TNFSF12: variants seen among roughly 807,000 people sequenced by gnomAD.
The protein encoded by TNFSF12 is TNF superfamily member 12.
Under a neutral mutation model 31.2 loss-of-function variants are expected in TNFSF12, and 16 were observed. That is an observed-to-expected ratio of 0.51 (90% CI 0.35 to 0.78). The LOEUF is 0.78. Among genes scored for constraint, TNFSF12 ranks in the 30% least tolerant of loss-of-function variants. TNFSF12 has a pLI of 0.01. For missense variants in TNFSF12, 324 were observed against 338.8 expected, an observed-to-expected ratio of 0.96 and a Z score of 0.34; for synonymous variants, 150 against 151.4, an observed-to-expected ratio of 0.99 and a Z score of 0.07.
At position 7,549,543 on chromosome 17, in the gene TNFSF12, C is replaced by T. The variant is rs1183548541; in HGVS notation, c.207+22C>T. ...GTCGGTGAGTGGGCGTGGGCGCGGT[C>T]TGCAGGCTGCTGGGGCATGGGAAGT... On this transcript the variant is annotated intron_variant, in intron 2 of 6. Transcript: ENST00000293825. The surrounding 1 kb of genome is among the most constrained non-coding windows in gnomAD (Gnocchi z 4.1). 5.9e-6 allele frequency: 9 copies of T among 1,534,288 alleles called. No homozygotes were observed. The East Asian group carries it at 1.9e-4, about 33-fold the overall frequency.
chr17:7,557,200 G>C lies in TNFSF12; in HGVS notation c.600G>C (p.Ala200=), dbSNP rs3803798. The C allele has an allele frequency of 0.52, 836,765 of 1,613,244 alleles. 218,646 individuals are homozygous for C. Among genetic ancestry groups the C allele is most frequent in the Admixed American group, 0.63 (37,897 of 59,984 alleles). ...TGGAGGAATTCTCAGCCACTGCGGC[G>C]AGTTCCCTCGGGCCCCAGCTCCGCC... ...RCLEEFSATA[A]SSLGPQLRLC... is the part of the protein sequence containing the mutation. Residue 200 remains alanine, a synonymous_variant, in exon 7 of 7, where the codon GCG becomes GCC. Transcript: ENST00000293825. This position sits in a 1 kb window ranked among gnomAD's most constrained non-coding sequence, Gnocchi z 5.2.
At chr17:7,553,031 T>C (rs1355286270) in intron 5 of TNFSF12, among the ~76,000 whole-genome samples, 2 of 9,272 alleles carry the variant, frequency 2.2e-4, no homozygotes, top group Non-Finnish European at 9.4e-4. Context: ...ACCTTTTTTT[T>C]TTTTTTTTTT....
At position 7,549,403 on chromosome 17, in the gene TNFSF12, G is replaced by A. The variant is rs1597822644; in HGVS notation, c.160-71G>A. On this transcript the variant is annotated intron_variant, in intron 1 of 6. Transcript: ENST00000293825. This position sits in a 1 kb window ranked among gnomAD's most constrained non-coding sequence, Gnocchi z 4.1. ...GGGCCGCGTGGGCTGAAGGCAAGGGGAAGGGAGGATGGGTGGAGGGTGAGA... is the reference window on the plus strand; with the variant it reads ...GGGCCGCGTGGGCTGAAGGCAAGGGAAAGGGAGGATGGGTGGAGGGTGAGA... 2.8e-6 allele frequency: 4 copies of A among 1,428,708 alleles called. No individual in the cohort carries two copies. The highest frequency in any genetic ancestry group is 2.5e-5 in the Admixed American group (1 of 39,444). 88.5% of individuals were successfully genotyped at this position (1,428,708 alleles called of 1,614,324 possible).
chr17:7,556,712 A>G (rs2071072213), intron 5 of TNFSF12, 66 bp from the exon 6 acceptor site: 10 of 1,390,114 alleles, frequency 7.2e-6, no homozygotes, highest in Non-Finnish European at 8.5e-6. Context: ...TGCTCAATGG[A>G]TCCCTGGGGA....
At chr17:7,553,483 G>A (rs1567721254) in intron 5 of TNFSF12, 1 of 491,452 alleles carries the variant, frequency 2.0e-6, no homozygotes, top group Non-Finnish European at 4.0e-6. Flanking sequence ...CATGTACTGA[G>A]GGCTTTCTTG....
At chr17:7,554,819 G>A (rs567232633) in intron 5 of TNFSF12, among the ~76,000 whole-genome samples, 8 of 149,664 alleles carry the variant, frequency 5.3e-5, no homozygotes, top group East Asian at 2.0e-4. Flanking sequence ...GGGTTTCACC[G>A]TGTTAGCCAG....
At chr17:7,556,620 A>G (rs2071070242) in intron 5 of TNFSF12, among the ~76,000 whole-genome samples, 158 bp from the exon 6 acceptor site, 1 of 152,158 alleles carries the variant, frequency 6.6e-6, no homozygotes, top group Admixed American at 6.5e-5. Context: ...CTAGTCAACT[A>G]TGGGCATCAT....
In TNFSF12 at chr17:7,550,698, T is replaced by A; in HGVS notation, c.284-101T>A. 6.6e-7 allele frequency: 1 copy of A among 1,519,372 alleles called. No homozygotes were observed. The highest frequency in any genetic ancestry group is 8.9e-7 in the Non-Finnish European group (1 of 1,120,074). The allele number at this position is 1,519,372 out of a possible 1,614,324, so 94.1% of individuals were successfully genotyped here. ...CTAAGGCCAGGAGTCTGGACAAGAA[T>A]AAGGATGCCAGGGTTCCTGAGAGGG... On this transcript the variant is annotated intron_variant, in intron 3 of 6. Coordinates refer to ENST00000293825, the MANE Select transcript of TNFSF12 (RefSeq NM_003809.3). The surrounding 1 kb of genome is among the most constrained non-coding windows in gnomAD (Gnocchi z 4.4).
chr17:7,553,862 C>A (rs1216203605), intron 5 of TNFSF12: 11 of 1,102,816 alleles, frequency 1.0e-5, no homozygotes, highest in East Asian at 6.3e-5. Context: ...GATGAGGGAA[C>A]CTTTGCTCGA....
chr17:7,554,721 T>C (rs1281482787), intron 5 of TNFSF12, among the ~76,000 whole-genome samples: 3 of 149,790 alleles, frequency 2.0e-5, no homozygotes, highest in Non-Finnish European at 4.4e-5. Flanking sequence ...TTCAAGTGAT[T>C]CTCCTGCCTC....
chr17:7,553,352 G>A (rs2071023450), intron 5 of TNFSF12, among the ~76,000 whole-genome samples: 1 of 152,094 alleles, frequency 6.6e-6, no homozygotes, highest in Non-Finnish European at 1.5e-5. Context: ...CCCGGCCTAG[G>A]ACAACCCTTT....
chr17:7,549,120 G>T lies in TNFSF12; in HGVS notation c.-34G>T, dbSNP rs955005407. ...CCCGATCCCTCGGGTCCCGGGATGGGGGGGCGGTGAGGCAGGCACAGCCCC... is the reference window on the plus strand; with the variant it reads ...CCCGATCCCTCGGGTCCCGGGATGGTGGGGCGGTGAGGCAGGCACAGCCCC... On this transcript the variant is annotated 5_prime_UTR_variant, in exon 1 of 7. Coordinates refer to ENST00000293825, the MANE Select transcript of TNFSF12 (RefSeq NM_003809.3). The surrounding 1 kb of genome is among the most constrained non-coding windows in gnomAD (Gnocchi z 4.1). 1.6e-6 allele frequency: 2 copies of T among 1,246,582 alleles called. No individual in the cohort carries two copies. The allele number at this position is 1,246,582 out of a possible 1,614,324, so 77.2% of individuals were successfully genotyped here.
Position 7,557,222 on chromosome 17 carries a change from C to A in TNFSF12, c.622C>A (p.Arg208Ser). ...GGCGAGTTCCCTCGGGCCCCAGCTC[C>A]GCCTCTGCCAGGTGTCTGGGCTGTT... Reference protein sequence around the residue: ...TAASSLGPQLRLCQVSGLLAL... With the variant: ...TAASSLGPQLSLCQVSGLLAL... Residue 208 changes from arginine (R) to serine (S), a missense_variant, in exon 7 of 7, where the codon CGC becomes AGC. Transcript: ENST00000293825. This position sits in a 1 kb window ranked among gnomAD's most constrained non-coding sequence, Gnocchi z 5.2. The A allele has an allele frequency of 1.2e-6, 2 of 1,612,276 alleles. No individual in the cohort carries two copies. The highest frequency in any genetic ancestry group is 1.1e-5 in the South Asian group (1 of 91,028).
In TNFSF12 at chr17:7,557,257, G is replaced by C; in HGVS notation, c.657G>C (p.Arg219=). The change falls in exon 7 of 7, where the codon CGG becomes CGC. Residue 219 remains arginine (R), a synonymous_variant. Transcript: ENST00000293825. This position sits in a 1 kb window ranked among gnomAD's most constrained non-coding sequence, Gnocchi z 5.2. ...AGGTGTCTGGGCTGTTGGCCCTGCGGCCAGGGTCCTCCCTGCGGATCCGCA... is the reference window on the plus strand; with the variant it reads ...AGGTGTCTGGGCTGTTGGCCCTGCGCCCAGGGTCCTCCCTGCGGATCCGCA... The part of the protein sequence containing the change: ...LCQVSGLLAL[R]PGSSLRIRTL... 6.2e-7 allele frequency: 1 copy of C among 1,613,764 alleles called. No individual in the cohort carries two copies. The highest frequency in any genetic ancestry group is 1.3e-5 in the African/African-American group (1 of 75,014).
At chr17:7,553,566 C>G (rs1409449297) in intron 5 of TNFSF12, 2 of 1,152,850 alleles carry the variant, frequency 1.7e-6, no homozygotes, top group African/African-American at 3.2e-5. Context: ...GGAAGATACT[C>G]TAATTACCTC....
Position 7,557,721 on chromosome 17 carries a change from G to A in TNFSF12, c.*371G>A. The A allele has an allele frequency of 5.0e-6, 1 of 200,310 alleles. No homozygotes were observed. The highest frequency in any genetic ancestry group is 1.0e-5 in the Non-Finnish European group (1 of 99,154). The allele number at this position is 200,310 out of a possible 1,614,324, so 12.4% of individuals were successfully genotyped here. On this transcript the variant is annotated 3_prime_UTR_variant, in exon 7 of 7. Coordinates refer to ENST00000293825, the MANE Select transcript of TNFSF12 (RefSeq NM_003809.3). This position sits in a 1 kb window ranked among gnomAD's most constrained non-coding sequence, Gnocchi z 5.2. ...GCACTAAGAGGGGCTGGACCTGGCG[G>A]CAGGAAGCCAAAGAGACTGGGCCTA... is the stretch of plus-strand genomic sequence containing the variant.
At chr17:7,552,145 G>A (rs539374451) in intron 5 of TNFSF12, among the ~76,000 whole-genome samples, 12 of 152,290 alleles carry the variant, frequency 7.9e-5, no homozygotes, top group African/African-American at 2.9e-4. Flanking sequence ...CCTAAGAAGG[G>A]ATTGACCAAG....
intron 5 of TNFSF12, among the ~76,000 whole-genome samples, chr17:7,555,996 T>TTTTTTTTTTG (rs1234246565): frequency 6.8e-6 from 1 of 146,756 alleles, no homozygotes; most frequent in African/African-American, 2.5e-5. Context: ...TTTTTTTTTT[T>TTTTTTTTTTG]TGGAGACAGA....
chr17:7,551,578 G>A (rs944137290), intron 5 of TNFSF12, among the ~76,000 whole-genome samples: 16 of 152,056 alleles, frequency 1.1e-4, no homozygotes, highest in South Asian at 2.1e-4. Context: ...CCCTGCTCCC[G>A]GTGTGCCTCT....
Sources: gnomAD v4.1 joint callset for allele counts (sites outside exome capture counted in the v4.1 genomes callset) on GRCh38, gnomAD v4.1.1 for gene constraint, Gnocchi (gnomAD v3.1) non-coding constraint, MANE v1.5 for transcripts, NCBI Gene and HGNC (gene_info 2026-07-23, HGNC 2026-07-21) for gene names.